The following SEC22A variants were observed in gnomAD, a reference collection of about 807,000 sequenced individuals.
SEC22A encodes the protein SEC22 homolog A, vesicle trafficking protein, also known as vesicle-trafficking protein SEC22a.
A neutral mutation model predicts 35.3 loss-of-function variants in SEC22A; 22 were observed. That is an observed-to-expected ratio of 0.62 (90% CI 0.45 to 0.89). The LOEUF is 0.89. Ranked by LOEUF, SEC22A falls within the 40% of genes least tolerant of loss-of-function variation. The pLI, the probability that SEC22A is intolerant of heterozygous loss-of-function variation, is 0.00. For missense variants in SEC22A, 354 were observed against 362.5 expected (o/e 0.98, Z 0.19); for synonymous variants, 119 against 129.5 (o/e 0.92, Z 0.55).
At chr3:123,259,200 C>T (rs989463367) in intron 5 of SEC22A, among the ~76,000 whole-genome samples, 2 of 152,090 alleles carry the variant, frequency 1.3e-5, no homozygotes, top group African/African-American at 4.8e-5. Flanking sequence ...GGGTGTTGTA[C>T]ATTTTTACAT....
intron 5 of SEC22A, among the ~76,000 whole-genome samples, chr3:123,249,647 C>G (rs569795849): frequency 2.0e-5 from 3 of 152,228 alleles, no homozygotes; most frequent in East Asian, 3.9e-4. Flanking sequence ...GCCTCAGCCT[C>G]CTGAGTAGCT....
At position 123,270,088 on chromosome 3, in the gene SEC22A, G is replaced by A. The variant is rs371026763; in HGVS notation, c.724-1434G>A. The stretch of plus-strand genomic sequence containing the variant: ...AATAAAGTCTGTAGATTAGCTAAGA[G>A]TATTGAATCAATGTTCATTTCCTGG... On this transcript the variant is annotated intron_variant, in intron 6 of 6. Coordinates refer to ENST00000492595, the MANE Select transcript of SEC22A (RefSeq NM_012430.5). Among the ~76,000 whole-genome samples the A allele has an allele frequency of 1.1e-4, 16 of 152,288 alleles. No individual in the cohort carries two copies. In the South Asian group the frequency reaches 1.9e-3, roughly 18 times the overall value.
chr3:123,261,212 A>T (rs1937889179), intron 6 of SEC22A, among the ~76,000 whole-genome samples: 1 of 152,246 alleles, frequency 6.6e-6, no homozygotes, highest in Non-Finnish European at 1.5e-5. Flanking sequence ...TTTAATGGTG[A>T]TGAGTGACAC....
intron 3 of SEC22A, 71 bp from the exon 4 acceptor site, chr3:123,225,032 C>A: frequency 2.1e-6 from 2 of 954,790 alleles, no homozygotes; most frequent in Non-Finnish European, 3.1e-6. Context: ...ATTTACTATC[C>A]ATAAACATCA....
chr3:123,239,315 A>G (rs1015134845), intron 4 of SEC22A, among the ~76,000 whole-genome samples: 1 of 152,118 alleles, frequency 6.6e-6, no homozygotes, highest in African/African-American at 2.4e-5. Context: ...TTTTATTATT[A>G]TTTAAGTTTT....
chr3:123,240,168 A>T (rs1223513188), intron 4 of SEC22A, among the ~76,000 whole-genome samples: 1 of 152,176 alleles, frequency 6.6e-6, no homozygotes, highest in East Asian at 1.9e-4. Flanking sequence ...TGGGAGAGGC[A>T]GTTCTTCCAT....
chr3:123,254,589 T>G (rs562125737), intron 5 of SEC22A, among the ~76,000 whole-genome samples: 2 of 152,186 alleles, frequency 1.3e-5, no homozygotes, highest in African/African-American at 4.8e-5. Context: ...GGTTCCCTAC[T>G]GGCTCGTTTC....
Position 123,234,739 on chromosome 3 carries a change from T to C in SEC22A, c.541+9442T>C, listed in dbSNP as rs142450129. ...AAAATCACAATGAAAAAAGAAAAAATAGGCTGGGCTCAGTGGCTCACGCCT... is the reference window on the plus strand; with the variant it reads ...AAAATCACAATGAAAAAAGAAAAAACAGGCTGGGCTCAGTGGCTCACGCCT... On this transcript the variant is annotated intron_variant, in intron 4 of 6. Transcript: ENST00000492595. Among the ~76,000 whole-genome samples, 1,061 of 152,120 alleles carry C rather than the reference T, an allele frequency of 7.0e-3. 19 individuals are homozygous for C. Among genetic ancestry groups the C allele is most frequent in the African/African-American group, 0.024 (1,011 of 41,506 alleles).
At chr3:123,242,162 A>C (rs1017914314) in intron 4 of SEC22A, among the ~76,000 whole-genome samples, 1 of 152,232 alleles carries the variant, frequency 6.6e-6, no homozygotes, top group Admixed American at 6.5e-5. Flanking sequence ...AGTGTTTACC[A>C]AGGATTTCCC....
intron 4 of SEC22A, among the ~76,000 whole-genome samples, chr3:123,234,859 C>T (rs1026785032): frequency 6.6e-6 from 1 of 151,736 alleles, no homozygotes; most frequent in Admixed American, 6.6e-5. Flanking sequence ...CTCATCTCTA[C>T]AAAAAATACA....
intron 1 of SEC22A, among the ~76,000 whole-genome samples, chr3:123,203,335 C>T (rs1378075354): frequency 6.6e-6 from 1 of 151,818 alleles, no homozygotes; most frequent in Non-Finnish European, 1.5e-5. Context: ...GTTTTTGGAA[C>T]GCTTAAATGA....
At chr3:123,232,436 C>T (rs1937339491) in intron 4 of SEC22A, among the ~76,000 whole-genome samples, 1 of 152,072 alleles carries the variant, frequency 6.6e-6, no homozygotes, top group Admixed American at 6.5e-5. Context: ...CAAAAAGATT[C>T]AATTAGTAAT....
intron 4 of SEC22A, among the ~76,000 whole-genome samples, chr3:123,229,635 G>A (rs970778417): frequency 8.5e-5 from 13 of 152,074 alleles, no homozygotes; most frequent in East Asian, 1.9e-4. Flanking sequence ...AGGCTGAGGC[G>A]GGCAGATCAC....
intron 1 of SEC22A, among the ~76,000 whole-genome samples, chr3:123,207,687 T>A (rs1017185598): frequency 6.6e-6 from 1 of 152,230 alleles, no homozygotes; most frequent in African/African-American, 2.4e-5. Flanking sequence ...TCTGCATTTT[T>A]AACTAAACTT....
chr3:123,243,776 C>G (rs1472849689), intron 4 of SEC22A: 1 of 152,094 alleles, frequency 6.6e-6, no homozygotes, highest in Non-Finnish European at 1.5e-5. Flanking sequence ...CTCTTTGGTT[C>G]CTTTGGTTCT....
At chr3:123,207,328 T>C (rs911907610) in intron 1 of SEC22A, among the ~76,000 whole-genome samples, 16 of 152,184 alleles carry the variant, frequency 1.1e-4, no homozygotes, top group African/African-American at 3.6e-4. Flanking sequence ...GTGGTATTTT[T>C]TTTTATATAT....
intron 5 of SEC22A, among the ~76,000 whole-genome samples, chr3:123,249,423 C>T (rs1937592347): frequency 6.6e-6 from 1 of 152,198 alleles, no homozygotes; most frequent in Middle Eastern, 3.4e-3. Context: ...TAGGATCTCA[C>T]CAAGAATTGC....
intron 4 of SEC22A, among the ~76,000 whole-genome samples, chr3:123,238,671 G>A (rs1240644581): frequency 6.6e-6 from 1 of 151,898 alleles, no homozygotes; most frequent in Admixed American, 6.6e-5. Flanking sequence ...ATTTTTCAGG[G>A]TTTTCCTCCC....
intron 2 of SEC22A, among the ~76,000 whole-genome samples, chr3:123,219,196 G>T (rs1216838974): frequency 6.6e-6 from 1 of 152,066 alleles, no homozygotes; most frequent in Non-Finnish European, 1.5e-5. Context: ...TGGCATCCTT[G>T]GGGATCTGAA....
Sources: allele counts gnomAD v4.1 joint callset (sites outside exome capture counted in the v4.1 genomes callset), GRCh38; gene constraint gnomAD v4.1.1; transcripts MANE v1.5; gene names NCBI Gene and HGNC (gene_info 2026-07-23, HGNC 2026-07-21).